The following CLEC5A variants were observed in gnomAD, a reference collection of about 807,000 sequenced individuals.
CLEC5A encodes C-type lectin domain family 5 member A.
A neutral mutation model predicts 24.4 loss-of-function variants in CLEC5A; 15 were observed. The ratio of observed to expected loss-of-function variants is 0.62; its 90% confidence interval spans 0.41 to 0.95. CLEC5A has a LOEUF of 0.95. Ranked by LOEUF, CLEC5A falls within the 40% of genes least tolerant of loss-of-function variation. The pLI is 0.00. For synonymous variants in CLEC5A, 71 were observed against 72.6 expected, an observed-to-expected ratio of 0.98 and a Z score of 0.11; for missense variants, 211 against 224.0, an observed-to-expected ratio of 0.94 and a Z score of 0.37.
intron 4 of CLEC5A, among the ~76,000 whole-genome samples, chr7:141,937,642 C>T (rs1802669323): frequency 6.6e-6 from 1 of 152,138 alleles, no homozygotes; most frequent in African/African-American, 2.4e-5. Flanking sequence ...CTGGCTTCAC[C>T]ATATGCTGAT....
At chr7:141,944,499 G>A (rs73538477) in intron 3 of CLEC5A, among the ~76,000 whole-genome samples, 4,465 of 152,236 alleles carry the variant, frequency 0.029, 209 homozygotes, top group African/African-American at 0.1. Context: ...TCAGGGCCAA[G>A]GGGATATTAT....
chr7:141,931,950 A>G, intron 5 of CLEC5A, 124 bp from the exon 6 acceptor site: 4 of 552,220 alleles, frequency 7.2e-6, no homozygotes, highest in Non-Finnish European at 3.2e-6. Context: ...GGGACCAGCT[A>G]TAGCTGGGAC....
At chr7:141,945,517 ACT>A in intron 2 of CLEC5A, 117 bp from the exon 3 acceptor site, 2 of 743,188 alleles carry the variant, frequency 2.7e-6, no homozygotes, top group Non-Finnish European at 4.9e-6. Flanking sequence ...GAAATACTGA[ACT>A]CTCTGACTCA....
rs73525925 is a variant in CLEC5A, at chr7:141,930,235, A to G, written c.453-17T>C. 6,938 of 1,573,504 alleles carry G rather than the reference A, an allele frequency of 4.4e-3. 274 individuals are homozygous for G. In the African/African-American group the frequency reaches 0.082, roughly 19 times the overall value. On this transcript the variant is annotated splice_polypyrimidine_tract_variant and intron_variant, in intron 6 of 6. Transcript: ENST00000546910. The stretch of plus-strand genomic sequence containing the variant: ...TTGGTAACACTAAATGAGAAAACAA[A>G]ACAAAACAAAACAAACAAACAAAAA...
chr7:141,941,077 T>C (rs1425741744), intron 4 of CLEC5A, among the ~76,000 whole-genome samples: 3 of 152,150 alleles, frequency 2.0e-5, no homozygotes, highest in Non-Finnish European at 2.9e-5. Context: ...AAATTTATTC[T>C]ATGAAGCCTA....
chr7:141,934,492 CT>C (rs1490236315), intron 5 of CLEC5A, among the ~76,000 whole-genome samples: 7 of 151,860 alleles, frequency 4.6e-5, no homozygotes, highest in Admixed American at 1.3e-4. Flanking sequence ...GTTTGTGGGC[CT>C]CTTGAAACAT....
intron 5 of CLEC5A, among the ~76,000 whole-genome samples, chr7:141,933,487 G>A (rs1554440624): frequency 1.3e-5 from 2 of 150,558 alleles, no homozygotes; most frequent in African/African-American, 4.9e-5. Context: ...GGCCTGATAT[G>A]ATGTAAGGTA....
At chr7:141,938,560 G>A (rs1802696004) in intron 4 of CLEC5A, among the ~76,000 whole-genome samples, 1 of 152,146 alleles carries the variant, frequency 6.6e-6, no homozygotes, top group African/African-American at 2.4e-5. Flanking sequence ...GATAGGGGTA[G>A]AAAGTTTATT....
Position 141,945,380 on chromosome 7 carries a change from T to C in CLEC5A, c.100A>G (p.Ser34Gly). The change falls in exon 3 of 7, where the codon AGT becomes GGT. Residue 34 changes from serine (S) to glycine (G), a missense_variant. Transcript: ENST00000546910. ...CTGGTGGTGGTGAAACCATCGTTAC[T>C]TTTGTTAAAAATCTGTGGGACTGAA... ...LLYFPQIFNK[S>G]NDGFTTTRSY... 6.2e-7 allele frequency: 1 copy of C among 1,613,288 alleles called. No individual in the cohort carries two copies. Among genetic ancestry groups the C allele is most frequent in the South Asian group, 1.1e-5 (1 of 91,072 alleles).
intron 3 of CLEC5A, among the ~76,000 whole-genome samples, chr7:141,944,584 T>C (rs1802896191): frequency 6.6e-6 from 1 of 152,104 alleles, no homozygotes; most frequent in Non-Finnish European, 1.5e-5. Context: ...TAGAAATCCA[T>C]ATAGGGGCCT....
chr7:141,930,171 G>GT lies in CLEC5A; in HGVS notation c.499dup (p.Thr167AsnfsTer5), dbSNP rs1802412736. ...ACATGATGCAGCATCAAATGTCTTT[G>GT]TTAGGCCAATGGTCGCACAGTTGAA... On this transcript the variant is annotated frameshift_variant, in exon 7 of 7. Coordinates refer to ENST00000546910, the MANE Select transcript of CLEC5A (RefSeq NM_013252.3). LOFTEE classifies it high-confidence loss of function. 6.2e-7 allele frequency: 1 copy of GT among 1,614,066 alleles called. No individual in the cohort carries two copies. The highest frequency in any genetic ancestry group is 1.3e-5 in the African/African-American group (1 of 74,930).
rs1802392459 is a variant in CLEC5A at position 141,929,672 on chromosome 7, T to G, written c.*432A>C. 1 of 154,316 alleles carries G rather than the reference T, an allele frequency of 6.5e-6. No individual in the cohort carries two copies. The highest frequency in any genetic ancestry group is 1.4e-5 in the Non-Finnish European group (1 of 69,568). The allele number at this position is 154,316 out of a possible 1,614,324, so 9.6% of individuals were successfully genotyped here. ...CGCTTGTGGAGTTAGGAGGGGCATG[T>G]GAATGGGGTTCCCTTGAGAACAGAG... On this transcript the variant is annotated 3_prime_UTR_variant, in exon 7 of 7. Coordinates refer to ENST00000546910, the MANE Select transcript of CLEC5A (RefSeq NM_013252.3).
At chr7:141,936,240 C>G in intron 4 of CLEC5A, 1 of 386,874 alleles carries the variant, frequency 2.6e-6, no homozygotes, top group South Asian at 2.6e-5. Flanking sequence ...CATATACATA[C>G]ATGAGAACAA....
chr7:141,942,181 T>C (rs1359632287), intron 4 of CLEC5A, among the ~76,000 whole-genome samples: 2 of 152,150 alleles, frequency 1.3e-5, no homozygotes, highest in African/African-American at 4.8e-5. Flanking sequence ...TTTCAAATTA[T>C]ACTACAGAGC....
intron 5 of CLEC5A, among the ~76,000 whole-genome samples, chr7:141,933,575 CATATATATATATATATATATAT>C (rs3043785): frequency 0.3 from 34,242 of 115,296 alleles, 5,353 homozygotes; most frequent in East Asian, 0.53. Flanking sequence ...AGGGAGCAGG[CATATATATATATATATATATAT>C]ATATATATAT....
intron 4 of CLEC5A, among the ~76,000 whole-genome samples, chr7:141,943,172 C>A (rs1802849517): frequency 6.6e-6 from 1 of 152,256 alleles, no homozygotes; most frequent in South Asian, 2.1e-4. Flanking sequence ...TGGAAACAAC[C>A]TAAGTGTCCA....
At chr7:141,941,207 CAT>C (rs1802788075) in intron 4 of CLEC5A, among the ~76,000 whole-genome samples, 1 of 151,992 alleles carries the variant, frequency 6.6e-6, no homozygotes, top group African/African-American at 2.4e-5. Flanking sequence ...AATTCAACAA[CAT>C]ATTAAAAAGA....
chr7:141,938,907 G>A (rs370061301), intron 4 of CLEC5A, among the ~76,000 whole-genome samples: 10 of 152,096 alleles, frequency 6.6e-5, no homozygotes, highest in African/African-American at 1.7e-4. Context: ...TTAGAATAGC[G>A]TATCTGATGA....
Position 141,931,709 on chromosome 7 carries a change from T to C in CLEC5A, c.452+11A>G, listed in dbSNP as rs1422471831. On this transcript the variant is annotated intron_variant, in intron 6 of 6. Coordinates refer to ENST00000546910, the MANE Select transcript of CLEC5A (RefSeq NM_013252.3). ...CCAAGATCCCCAGGAAACTGTGGCA[T>C]GTTCACGTACTTGCCATTGAACACA... The C allele has an allele frequency of 2.1e-6, 3 of 1,418,610 alleles. No individual in the cohort carries two copies. The highest frequency in any genetic ancestry group is 3.0e-6 in the Non-Finnish European group (3 of 1,001,896). 87.9% of individuals were successfully genotyped at this position (1,418,610 alleles called of 1,614,324 possible).
Sources: allele counts gnomAD v4.1 joint callset (sites outside exome capture counted in the v4.1 genomes callset), GRCh38; gene constraint gnomAD v4.1.1; transcripts MANE v1.5; gene names NCBI Gene and HGNC (gene_info 2026-07-23, HGNC 2026-07-21).